Variants in PRKDC observed in about 807,000 individuals in gnomAD.
PRKDC encodes protein kinase, DNA-activated, catalytic subunit.
PRKDC carries 82 observed loss-of-function variants against 486.9 expected under a neutral mutation model. That is an observed-to-expected ratio of 0.17 (90% CI 0.14 to 0.20). PRKDC has a LOEUF of 0.20. Among genes scored for constraint, PRKDC ranks in the 10% least tolerant of loss-of-function variants. The pLI, the probability that PRKDC is intolerant of heterozygous loss-of-function variation, is 1.00. For synonymous variants in PRKDC, 1,895 were observed against 1,837.0 expected (o/e 1.03, Z -0.81); for missense variants, 4,504 against 5,038.2 (o/e 0.89, Z 3.21).
intron 38 of PRKDC, among the ~76,000 whole-genome samples, chr8:47,880,664 G>GTA (rs1168047905): frequency 6.6e-6 from 1 of 152,108 alleles, no homozygotes; most frequent in Non-Finnish European, 1.5e-5. Flanking sequence ...AAATGACTGA[G>GTA]TAATAAAGTC....
chr8:47,913,843 A>G, intron 24 of PRKDC, 58 bp downstream of exon 24: 1 of 1,459,302 alleles, frequency 6.9e-7, no homozygotes, highest in Non-Finnish European at 9.2e-7. Flanking sequence ...ATCCTAAGCA[A>G]TATGTATTTT....
chr8:47,953,576 TTACAG>T (rs1013157917), intron 7 of PRKDC, 39 bp downstream of exon 7: 1 of 1,517,718 alleles, frequency 6.6e-7, no homozygotes, highest in African/African-American at 1.4e-5. Flanking sequence ...CTGGTTAGAC[TTACAG>T]TTTTTGAATA....
chr8:47,920,744 C>G (rs2090057608), intron 21 of PRKDC, among the ~76,000 whole-genome samples: 1 of 152,102 alleles, frequency 6.6e-6, no homozygotes, highest in African/African-American at 2.4e-5. Flanking sequence ...TGTTTGTTTT[C>G]CCTATAGTTA....
At chr8:47,819,894 G>T (rs1397193701) in intron 66 of PRKDC, among the ~76,000 whole-genome samples, 1 of 152,096 alleles carries the variant, frequency 6.6e-6, no homozygotes, top group Non-Finnish European at 1.5e-5. Flanking sequence ...AAATAAAAAT[G>T]AAAACAATGA....
intron 17 of PRKDC, 149 bp downstream of exon 17, chr8:47,930,523 C>T (rs574417597): frequency 9.0e-6 from 6 of 667,096 alleles, no homozygotes; most frequent in Non-Finnish European, 1.2e-5. Flanking sequence ...CCACCTGCCT[C>T]GGCCTCCCAA....
At chr8:47,923,174 T>C (rs539817854) in intron 21 of PRKDC, among the ~76,000 whole-genome samples, 2 of 151,990 alleles carry the variant, frequency 1.3e-5, no homozygotes, top group East Asian at 1.9e-4. Flanking sequence ...AGTGGTTCTC[T>C]GGTCTCAGCC....
chr8:47,919,135 T>C (rs1380141584), intron 21 of PRKDC, among the ~76,000 whole-genome samples: 3 of 152,084 alleles, frequency 2.0e-5, no homozygotes, highest in African/African-American at 7.2e-5. Context: ...CAAACCAGAT[T>C]ATCAACATTC....
intron 40 of PRKDC, among the ~76,000 whole-genome samples, chr8:47,871,661 C>T (rs1034582076): frequency 1.3e-5 from 2 of 152,076 alleles, no homozygotes; most frequent in East Asian, 1.9e-4. Flanking sequence ...TGCAGTGGCA[C>T]GATCTTAGCT....
intron 63 of PRKDC, among the ~76,000 whole-genome samples, chr8:47,824,468 C>CAA (rs11369602): frequency 0.035 from 1,249 of 35,856 alleles, 24 homozygotes; most frequent in East Asian, 0.045. Flanking sequence ...GACTCCGCCT[C>CAA]AAAAAAAAAA....
intron 65 of PRKDC, among the ~76,000 whole-genome samples, chr8:47,821,282 G>C (rs1321378279): frequency 6.6e-6 from 1 of 152,184 alleles, no homozygotes; most frequent in Non-Finnish European, 1.5e-5. Context: ...TCTTGTCACA[G>C]GAGCTGGGAG....
At chr8:47,897,107 T>C in intron 30 of PRKDC, 54 bp downstream of exon 30, 1 of 1,490,092 alleles carries the variant, frequency 6.7e-7, no homozygotes, top group Non-Finnish European at 9.1e-7. Context: ...TTACTTCTTT[T>C]AAATGGGATA....
At chr8:47,922,825 T>A (rs1252592418) in intron 21 of PRKDC, among the ~76,000 whole-genome samples, 3 of 152,182 alleles carry the variant, frequency 2.0e-5, no homozygotes, top group Non-Finnish European at 4.4e-5. Flanking sequence ...AACATCTCTG[T>A]ATTTCAATGA....
At chr8:47,789,939 G>T (rs1362384058) in intron 74 of PRKDC, among the ~76,000 whole-genome samples, 4 of 152,112 alleles carry the variant, frequency 2.6e-5, no homozygotes, top group African/African-American at 9.7e-5. Context: ...TAAAAGCCAT[G>T]TACAACACAC....
chr8:47,862,587 T>C, intron 42 of PRKDC, 46 bp from the exon 43 acceptor site: 2 of 1,529,572 alleles, frequency 1.3e-6, no homozygotes, highest in South Asian at 1.2e-5. Context: ...AACATGGCAA[T>C]CACTGCTCAA....
At chr8:47,889,246 A>ACACTTCGTCAGCCAG in intron 32 of PRKDC, 24 bp from the exon 33 acceptor site, 1 of 1,557,436 alleles carries the variant, frequency 6.4e-7, no homozygotes, top group Non-Finnish European at 8.7e-7. Context: ...TTTGATAAAA[A>ACACTTCGTCAGCCAG]CACTTCGTCA....
At chr8:47,817,644 A>G in intron 67 of PRKDC, 83 bp from the exon 68 acceptor site, 11 of 878,402 alleles carry the variant, frequency 1.3e-5, no homozygotes, top group Non-Finnish European at 1.9e-5. Flanking sequence ...TAAATAGAAA[A>G]TTCAAACTTC....
intron 73 of PRKDC, 110 bp downstream of exon 73, chr8:47,798,126 TG>T: frequency 8.8e-7 from 1 of 1,141,470 alleles, no homozygotes; most frequent in Non-Finnish European, 1.2e-6. Flanking sequence ...CACAGCTGGC[TG>T]GGAAAAGCTA....
At chr8:47,929,319 C>T (rs560994492) in intron 18 of PRKDC, 141 bp from the exon 19 acceptor site, 257 of 661,100 alleles carry the variant, frequency 3.9e-4, no homozygotes, top group African/African-American at 3.2e-3. Context: ...GCAGAATCAG[C>T]TCTGCAGACA....
At position 47,837,196 on chromosome 8, in the gene PRKDC, G is replaced by A; in HGVS notation, c.7761+16C>T. 1 of 1,599,936 alleles carries A rather than the reference G, an allele frequency of 6.3e-7. No homozygotes were observed. ...GCCTATAATATTCACTACTATGAGA[G>A]AGAAGACCACATTACCTGAAATTCG... On this transcript the variant is annotated intron_variant, in intron 57 of 85. Coordinates refer to ENST00000314191, the MANE Select transcript of PRKDC (RefSeq NM_006904.7).
Sources: allele counts gnomAD v4.1 joint callset (sites outside exome capture counted in the v4.1 genomes callset), GRCh38; gene constraint gnomAD v4.1.1; transcripts MANE v1.5; gene names NCBI Gene and HGNC (gene_info 2026-07-23, HGNC 2026-07-21).